The following SERAC1 variants were observed in gnomAD, a reference collection of about 807,000 sequenced individuals.
The protein encoded by SERAC1 is serine active site containing 1.
A neutral mutation model predicts 85.7 loss-of-function variants in SERAC1; 36 were observed. That is an observed-to-expected ratio of 0.42 (90% CI 0.32 to 0.55). The LOEUF is 0.55. Ranked by LOEUF, SERAC1 falls within the 20% of genes least tolerant of loss-of-function variation. The pLI is 0.11. For missense variants in SERAC1, 629 were observed against 796.2 expected (o/e 0.79, Z 2.53); for synonymous variants, 242 against 265.3 (o/e 0.91, Z 0.85).
chr6:158,137,012 G>A (rs1170544156), intron 8 of SERAC1, among the ~76,000 whole-genome samples: 1 of 152,020 alleles, frequency 6.6e-6, no homozygotes, highest in Non-Finnish European at 1.5e-5. Flanking sequence ...ACAAAAATCA[G>A]CTGGGCATGG....
intron 13 of SERAC1, 22 bp from the exon 14 acceptor site, chr6:158,116,304 G>A: frequency 6.3e-7 from 1 of 1,589,522 alleles, no homozygotes; most frequent in Non-Finnish European, 8.6e-7. Context: ...AAAAACAGCA[G>A]GCATGACACA....
In SERAC1 at chr6:158,145,525, T is replaced by C. The variant is rs530586558; in HGVS notation, c.488-1105A>G. Among the ~76,000 whole-genome samples, 584 of 149,940 alleles carry C rather than the reference T, an allele frequency of 3.9e-3. 6 individuals carry two copies. Among genetic ancestry groups the C allele is most frequent in the African/African-American group, 0.014 (562 of 41,092 alleles). On this transcript the variant is annotated intron_variant, in intron 6 of 16. Coordinates refer to ENST00000647468, the MANE Select transcript of SERAC1 (RefSeq NM_032861.4). Reference sequence around the variant, plus strand: ...TAACTTTTCTTTGAGAATTTTTCTTTTTTTTTTTTTTTTTTGAGACAGTTT... The same window carrying C: ...TAACTTTTCTTTGAGAATTTTTCTTCTTTTTTTTTTTTTTTGAGACAGTTT...
chr6:158,163,373 T>G (rs1433175547), intron 1 of SERAC1, among the ~76,000 whole-genome samples: 1 of 152,216 alleles, frequency 6.6e-6, no homozygotes, highest in South Asian at 2.1e-4. Context: ...GTAGAGGGAA[T>G]AGATGAATAC....
At chr6:158,150,896 C>A (rs572651265) in intron 3 of SERAC1, 20 of 263,406 alleles carry the variant, frequency 7.6e-5, no homozygotes, top group Non-Finnish European at 1.5e-5. Flanking sequence ...GTAAACAAAT[C>A]TACTGTGCTG....
chr6:158,123,349 T>C (rs2128413360), intron 10 of SERAC1, among the ~76,000 whole-genome samples: 1 of 152,244 alleles, frequency 6.6e-6, no homozygotes, highest in African/African-American at 2.4e-5. Context: ...GGCCCAAACA[T>C]GGCTGGAGGG....
intron 10 of SERAC1, among the ~76,000 whole-genome samples, chr6:158,124,163 T>G (rs1486986986): frequency 6.6e-6 from 1 of 152,186 alleles, no homozygotes; most frequent in Non-Finnish European, 1.5e-5. Flanking sequence ...TTTTCTATAA[T>G]AAGATACTGA....
At position 158,143,357 on chromosome 6, in the gene SERAC1, A is replaced by C. The variant is rs1403436950; in HGVS notation, c.610-173T>G. Among the ~76,000 whole-genome samples the C allele has an allele frequency of 6.3e-3, 266 of 42,278 alleles. 1 individual carries two copies. Among genetic ancestry groups the C allele is most frequent in the Middle Eastern group, 0.022 (2 of 92 alleles). 27.7% of individuals were successfully genotyped at this position (42,278 alleles called of 152,430 possible). A position where few individuals can be genotyped will look rare whatever the true frequency, so the allele number is the denominator to read the frequency against. ...TCTCTCTCTCTCTCTCTATATATATATATATATATATATATATACACACAC... is the reference window on the plus strand; with the variant it reads ...TCTCTCTCTCTCTCTCTATATATATCTATATATATATATATATACACACAC... On this transcript the variant is annotated intron_variant, in intron 7 of 16. Coordinates refer to ENST00000647468, the MANE Select transcript of SERAC1 (RefSeq NM_032861.4).
rs551784684 is a variant in SERAC1, at chr6:158,136,942, G to A, written c.738+6114C>T. On this transcript the variant is annotated intron_variant, in intron 8 of 16. Coordinates refer to ENST00000647468, the MANE Select transcript of SERAC1 (RefSeq NM_032861.4). ...TGGGAGGCCAAGGCAGGCGGATCAC[G>A]AGGTCAAGAGATCGAGACCATCCTG... Among the ~76,000 whole-genome samples the A allele has an allele frequency of 2.5e-4, 38 of 152,216 alleles. No homozygotes were observed. In the East Asian group the frequency reaches 6.2e-3, roughly 25 times the overall value.
chr6:158,122,300 T>G (rs1464943417), intron 10 of SERAC1, among the ~76,000 whole-genome samples: 1 of 152,206 alleles, frequency 6.6e-6, no homozygotes, highest in East Asian at 1.9e-4. Context: ...TCTCCACTAT[T>G]AAGCAATGCA....
Position 158,113,602 on chromosome 6 carries a change from T to G in SERAC1, c.1685-10A>C. ...TTAAGTGCAGGAGAATCTGTAAAAT[T>G]ATACAGAACAAGACTGTGACAAGTT... is the stretch of plus-strand genomic sequence containing the variant. On this transcript the variant is annotated splice_polypyrimidine_tract_variant and intron_variant, in intron 15 of 16. Transcript: ENST00000647468. 1 of 1,611,142 alleles carries G rather than the reference T, an allele frequency of 6.2e-7. No individual in the cohort carries two copies. The highest frequency in any genetic ancestry group is 8.5e-7 in the Non-Finnish European group (1 of 1,177,848).
At chr6:158,154,104 G>A (rs1416510420) in intron 3 of SERAC1, among the ~76,000 whole-genome samples, 2 of 147,686 alleles carry the variant, frequency 1.4e-5, no homozygotes, top group African/African-American at 5.0e-5. Flanking sequence ...AGGCTGCACT[G>A]AGTGGAGATC....
rs552549655 is a variant in SERAC1 at position 158,119,630 on chromosome 6, CAT to C, written c.1167-462_1167-461del. On this transcript the variant is annotated intron_variant, in intron 11 of 16. Coordinates refer to ENST00000647468, the MANE Select transcript of SERAC1 (RefSeq NM_032861.4). The surrounding 1 kb of genome is among the most constrained non-coding windows in gnomAD (Gnocchi z 4.5). ...CTTATAAAATGAGATTTCAAAGTAA[CAT>C]TCACTCATTGCATATGACGCATTAA... Among the ~76,000 whole-genome samples, 1,283 of 152,252 alleles carry C rather than the reference CAT, an allele frequency of 8.4e-3. 10 individuals carry two copies. Among genetic ancestry groups the C allele is most frequent in the South Asian group, 0.027 (132 of 4,824 alleles).
At chr6:158,145,503 CTTTTCTTTGAGAAT>C (rs1785032346) in intron 6 of SERAC1, 1 of 149,716 alleles carries the variant, frequency 6.7e-6, no homozygotes, top group Non-Finnish European at 1.5e-5. Flanking sequence ...CTGAGCTTAA[CTTTTCTTTGAGAAT>C]TTTTCTTTTT....
chr6:158,146,729 CAGCA>C, intron 6 of SERAC1, 49 bp downstream of exon 6: 1 of 1,604,652 alleles, frequency 6.2e-7, no homozygotes, highest in Non-Finnish European at 8.5e-7. Flanking sequence ...TCTTTTATGT[CAGCA>C]ATCAAGAGCC....
At chr6:158,155,432 C>T in intron 2 of SERAC1, 81 bp from the exon 3 acceptor site, 1 of 771,760 alleles carries the variant, frequency 1.3e-6, no homozygotes, top group Non-Finnish European at 2.2e-6. Context: ...AAGTCTCTAC[C>T]TATATCATAT....
At chr6:158,113,369 A>G in intron 16 of SERAC1, 80 bp downstream of exon 16, 1 of 1,120,694 alleles carries the variant, frequency 8.9e-7, no homozygotes. Context: ...GAGAACCTGG[A>G]TATAAAAATT....
rs999717898 is a variant in SERAC1 at position 158,162,649 on chromosome 6, G to A, written c.-1-4285C>T. 2.0e-5 allele frequency among the ~76,000 whole-genome samples: 3 copies of A among 151,918 alleles called. No individual in the cohort carries two copies. In the South Asian group the frequency reaches 6.2e-4, roughly 31 times the overall value. On this transcript the variant is annotated intron_variant, in intron 1 of 16. Transcript: ENST00000647468. ...CAACTTCTTCCATTTTTTTCTATCT[G>A]TCTGACATGCACTATAATTTCCCCA...
At chr6:158,131,623 A>T (rs1784679148) in intron 8 of SERAC1, among the ~76,000 whole-genome samples, 1 of 151,972 alleles carries the variant, frequency 6.6e-6, no homozygotes, top group Admixed American at 6.6e-5. Flanking sequence ...TAGGGAAACA[A>T]GCACGCACAG....
Position 158,146,742 on chromosome 6 carries a change from CCAG to C in SERAC1, c.487+37_487+39del, listed in dbSNP as rs748639508. ...TGTCTTTTATGTCAGCAATCAAGAG[CCAG>C]CTGAAGGCATGCCACCTGTTCAGGT... On this transcript the variant is annotated intron_variant, in intron 6 of 16. Coordinates refer to ENST00000647468, the MANE Select transcript of SERAC1 (RefSeq NM_032861.4). 68 of 1,608,510 alleles carry C rather than the reference CCAG, an allele frequency of 4.2e-5. No individual in the cohort carries two copies. The African/African-American group carries it at 8.7e-4, about 21-fold the overall frequency.
Sources: gnomAD v4.1 joint callset for allele counts (sites outside exome capture counted in the v4.1 genomes callset) on GRCh38, gnomAD v4.1.1 for gene constraint, Gnocchi (gnomAD v3.1) non-coding constraint, MANE v1.5 for transcripts, NCBI Gene and HGNC (gene_info 2026-07-23, HGNC 2026-07-21) for gene names.